The following DCBLD1 variants were observed in gnomAD, a reference collection of about 807,000 sequenced individuals.
DCBLD1 encodes discoidin, CUB and LCCL domain containing 1.
A neutral mutation model predicts 71.5 loss-of-function variants in DCBLD1; 57 were observed. The observed-to-expected ratio is 0.80, with a 90% confidence interval of 0.64 to 0.99. The LOEUF (loss-of-function observed/expected upper bound fraction) is 0.99, where lower values mean the gene tolerates loss of function less well. Ranked by LOEUF, DCBLD1 falls within the 50% of genes least tolerant of loss-of-function variation. DCBLD1 has a pLI of 0.00. For missense variants in DCBLD1, 891 were observed against 923.5 expected (o/e 0.96, Z 0.46); for synonymous variants, 380 against 363.8 (o/e 1.04, Z -0.51).
At chr6:117,526,132 A>G (rs1374749709) in intron 5 of DCBLD1, among the ~76,000 whole-genome samples, 1 of 152,202 alleles carries the variant, frequency 6.6e-6, no homozygotes, top group Non-Finnish European at 1.5e-5. Context: ...TGCCTGTGGG[A>G]AAATAACCTT....
chr6:117,540,789 A>T lies in DCBLD1; in HGVS notation c.1223A>T (p.Glu408Val). ...TWHQRIALKVELIGCQITQGN... is the reference protein window; with the variant it reads ...TWHQRIALKVVLIGCQITQGN... The stretch of plus-strand genomic sequence containing the variant: ...CACCAGAGGATAGCCTTGAAGGTGG[A>T]GCTCATTGGTTGCCAGATTACACAA... The change falls in exon 10 of 15, where the codon GAG (glutamate) becomes GTG (valine). Residue 408 changes from glutamate (E) to valine (V), a missense_variant. Glu to Val is a moderately radical substitution (Grantham distance 121, BLOSUM62 -2). Transcript: ENST00000338728. 6.2e-7 allele frequency: 1 copy of T among 1,614,198 alleles called. No individual in the cohort carries two copies. The highest frequency in any genetic ancestry group is 2.2e-5 in the East Asian group (1 of 44,878).
chr6:117,502,751 T>A (rs1777705984), intron 1 of DCBLD1, among the ~76,000 whole-genome samples: 1 of 152,044 alleles, frequency 6.6e-6, no homozygotes, highest in South Asian at 2.1e-4. Flanking sequence ...TTCATTTATG[T>A]GAAGCTGTGC....
At chr6:117,517,839 A>T (rs186773745) in intron 2 of DCBLD1, among the ~76,000 whole-genome samples, 9 of 152,314 alleles carry the variant, frequency 5.9e-5, no homozygotes, top group Admixed American at 2.6e-4. Flanking sequence ...CAGGGATGCT[A>T]GTCCTGGCCC....
intron 1 of DCBLD1, among the ~76,000 whole-genome samples, chr6:117,485,843 A>G (rs1267347910): frequency 1.3e-5 from 2 of 152,210 alleles, no homozygotes; most frequent in Admixed American, 6.5e-5. Context: ...GCTTATTTCT[A>G]TATGTAAGGA....
intron 14 of DCBLD1, chr6:117,563,198 A>G: frequency 6.5e-7 from 1 of 1,533,086 alleles, no homozygotes; most frequent in Non-Finnish European, 9.0e-7. Context: ...CATCTTCCCC[A>G]GTGCCCCAAA....
At chr6:117,567,143 G>T in intron 14 of DCBLD1, 2 of 654,784 alleles carry the variant, frequency 3.1e-6, no homozygotes, top group Non-Finnish European at 4.8e-6. Context: ...CTAAGAGATA[G>T]CTGATTTCCA....
Position 117,521,472 on chromosome 6 carries a change from G to A in DCBLD1, c.461-53G>A, listed in dbSNP as rs1778382273. The A allele has an allele frequency of 2.9e-6, 4 of 1,399,994 alleles. No homozygotes were observed. The East Asian group carries it at 9.5e-5, about 33-fold the overall frequency. The allele number at this position is 1,399,994 out of a possible 1,614,324, so 86.7% of individuals were successfully genotyped here. On this transcript the variant is annotated intron_variant, in intron 3 of 14. Transcript: ENST00000338728. The stretch of plus-strand genomic sequence containing the variant: ...TTTAAAAGAAAGCTTTGCAGCATGA[G>A]TGTCCTAGTTTTTATTCATTCTATT...
Position 117,548,385 on chromosome 6 carries a change from C to T in DCBLD1, c.2094C>T (p.Ala698=), listed in dbSNP as rs1387489702. 6.4e-7 allele frequency: 1 copy of T among 1,550,584 alleles called. No individual in the cohort carries two copies. The highest frequency in any genetic ancestry group is 8.7e-7 in the Non-Finnish European group (1 of 1,147,014). The change falls in exon 15 of 15, where the codon GCC becomes GCT. Residue 698 remains alanine (A), a synonymous_variant. Transcript: ENST00000338728. ...THPGTSDSYS[A]PRDCLTPLNQ... ...CCGGGACGAGTGACAGCTATTCTGC[C>T]CCCAGAGACTGCCTCACACCCCTCA...
chr6:117,505,362 G>A (rs141997186), intron 2 of DCBLD1, among the ~76,000 whole-genome samples: 1 of 152,288 alleles, frequency 6.6e-6, no homozygotes, highest in Non-Finnish European at 1.5e-5. Context: ...CTCAGATTCT[G>A]AGGAGGGGGT....
intron 6 of DCBLD1, among the ~76,000 whole-genome samples, chr6:117,533,429 T>C (rs894471392): frequency 1.1e-4 from 16 of 152,316 alleles, no homozygotes; most frequent in Non-Finnish European, 2.1e-4. Context: ...GGCCATCTTA[T>C]CTTGGATAGG....
chr6:117,547,801 G>A (rs1264667198), intron 14 of DCBLD1, 106 bp from the exon 15 acceptor site: 1 of 1,543,610 alleles, frequency 6.5e-7, no homozygotes, highest in Non-Finnish European at 8.7e-7. Flanking sequence ...AGGGCACCCG[G>A]GGGGAAAGTC....
At chr6:117,489,889 A>G (rs1290427435) in intron 1 of DCBLD1, among the ~76,000 whole-genome samples, 1 of 152,222 alleles carries the variant, frequency 6.6e-6, no homozygotes, top group Non-Finnish European at 1.5e-5. Context: ...CGTCTCAAAA[A>G]AAAAGAATAA....
chr6:117,512,775 TGGA>T (rs1778066676), intron 2 of DCBLD1, among the ~76,000 whole-genome samples: 1 of 152,152 alleles, frequency 6.6e-6, no homozygotes, highest in South Asian at 2.1e-4. Context: ...GAGGGTTTTT[TGGA>T]GGTTTTATGT....
chr6:117,562,082 A>AG (rs1779595233), intron 14 of DCBLD1: 1 of 206,006 alleles, frequency 4.9e-6, no homozygotes, highest in Admixed American at 5.9e-5. Flanking sequence ...TTTGCCTAGC[A>AG]GGTTACAATG....
Position 117,549,370 on chromosome 6 carries a change from G to A in DCBLD1, c.*931G>A. The A allele has an allele frequency of 1.0e-6, 1 of 985,376 alleles. No homozygotes were observed. Among genetic ancestry groups the A allele is most frequent in the Non-Finnish European group, 1.2e-6 (1 of 829,930 alleles). The allele number at this position is 985,376 out of a possible 1,614,324, so 61.0% of individuals were successfully genotyped here. A position where few individuals can be genotyped will look rare whatever the true frequency, so the allele number is the denominator to read the frequency against. On this transcript the variant is annotated 3_prime_UTR_variant, in exon 15 of 15. Coordinates refer to ENST00000338728, the MANE Select transcript of DCBLD1 (RefSeq NM_001366458.2). ...AAGTGATTCTGACCAAGTCTAAATC[G>A]AGCTTTTCTACTGACATGAAACTGT...
In DCBLD1 at chr6:117,568,631, A is replaced by G. The variant is rs569814343; in HGVS notation, c.1616-989A>G. Among the ~76,000 whole-genome samples the G allele has an allele frequency of 7.4e-4, 113 of 152,336 alleles. 1 individual carries two copies. The South Asian group carries it at 0.023, about 30-fold the overall frequency. The stretch of plus-strand genomic sequence containing the variant: ...AATACCATTTTGCAGAAAGAGACAG[A>G]TGATGCAGTGGTCTTCAGCAAAGTT... On this transcript the variant is annotated intron_variant, in intron 14 of 14. Coordinates refer to the DCBLD1 transcript ENST00000296955.
intron 2 of DCBLD1, among the ~76,000 whole-genome samples, chr6:117,509,203 G>A (rs1413215808): frequency 1.3e-5 from 2 of 152,172 alleles, no homozygotes; most frequent in Non-Finnish European, 1.5e-5. Flanking sequence ...AGGCTGAGGT[G>A]GATGAATCAC....
At chr6:117,530,307 G>C (rs1778673295) in intron 5 of DCBLD1, among the ~76,000 whole-genome samples, 1 of 152,140 alleles carries the variant, frequency 6.6e-6, no homozygotes, top group African/African-American at 2.4e-5. Context: ...ACGGGGTGGG[G>C]GATGGTTTCA....
chr6:117,509,608 C>T (rs1733355472), intron 2 of DCBLD1, among the ~76,000 whole-genome samples: 1 of 152,110 alleles, frequency 6.6e-6, no homozygotes, highest in Non-Finnish European at 1.5e-5. Flanking sequence ...CTCTTCCCCT[C>T]CCTCTTCCCA....
Sources: gnomAD v4.1 joint callset for allele counts (sites outside exome capture counted in the v4.1 genomes callset) on GRCh38, gnomAD v4.1.1 for gene constraint, MANE v1.5 for transcripts, NCBI Gene and HGNC (gene_info 2026-07-23, HGNC 2026-07-21) for gene names.